LARS2: variants seen among roughly 807,000 people sequenced by gnomAD.
LARS2 encodes the protein leucine--tRNA ligase, mitochondrial.
In LARS2, 81 loss-of-function variants were observed where a neutral mutation model predicts 116.6. The observed-to-expected ratio is 0.69, with a 90% CI of 0.58 to 0.84. The LOEUF (loss-of-function observed/expected upper bound fraction) is 0.84, where lower values mean the gene tolerates loss of function less well. LARS2 is among the 40% of genes least tolerant of loss of function. LARS2 has a pLI of 0.00. For synonymous variants in LARS2, 396 were observed against 407.2 expected (o/e 0.97, Z 0.33); for missense variants, 968 against 1,114.5 (o/e 0.87, Z 1.87).
At chr3:45,540,581 G>C (rs1700776526) in intron 20 of LARS2, among the ~76,000 whole-genome samples, 1 of 152,298 alleles carries the variant, frequency 6.6e-6, no homozygotes, top group Non-Finnish European at 1.5e-5. Context: ...CTATTCCCAG[G>C]TGAGGACTGC....
chr3:45,453,191 T>A (rs545644314), intron 7 of LARS2, among the ~76,000 whole-genome samples: 2 of 152,320 alleles, frequency 1.3e-5, no homozygotes, highest in South Asian at 4.1e-4. Context: ...CTTTATTATT[T>A]CGTTCCTTCT....
chr3:45,530,404 C>T (rs1700597561), intron 20 of LARS2, among the ~76,000 whole-genome samples: 1 of 152,072 alleles, frequency 6.6e-6, no homozygotes, highest in South Asian at 2.1e-4. Flanking sequence ...CCTGTGAAGT[C>T]ACATACTCAG....
At chr3:45,540,738 A>G (rs1451847089) in intron 20 of LARS2, among the ~76,000 whole-genome samples, 2 of 75,100 alleles carry the variant, frequency 2.7e-5, no homozygotes, top group South Asian at 1.0e-3. Context: ...GCTTGCATGT[A>G]TCTATCTGTC....
chr3:45,486,634 G>A (rs991552695), intron 11 of LARS2, among the ~76,000 whole-genome samples: 12 of 152,192 alleles, frequency 7.9e-5, no homozygotes, highest in African/African-American at 2.9e-4. Context: ...GCTCAGATCA[G>A]TGTTTCATGA....
chr3:45,518,123 G>A (rs928486574), intron 18 of LARS2, 51 bp downstream of exon 18: 5 of 1,481,438 alleles, frequency 3.4e-6, no homozygotes, highest in Non-Finnish European at 4.6e-6. Context: ...AGCACTCTTT[G>A]GGAACCTTTG....
chr3:45,494,516 A>G (rs1159230690), intron 13 of LARS2, among the ~76,000 whole-genome samples: 1 of 152,180 alleles, frequency 6.6e-6, no homozygotes, highest in Non-Finnish European at 1.5e-5. Context: ...GATGAGCTTC[A>G]CATCCATGCC....
chr3:45,417,087 CA>C (rs34878832), intron 4 of LARS2, among the ~76,000 whole-genome samples: 13 of 138,664 alleles, frequency 9.4e-5, no homozygotes, highest in Admixed American at 3.0e-4. Flanking sequence ...AAAAAAAAAA[CA>C]AAAAAAAAAA....
chr3:45,462,619 G>A (rs1479967194), intron 8 of LARS2, among the ~76,000 whole-genome samples: 2 of 152,210 alleles, frequency 1.3e-5, no homozygotes, highest in Non-Finnish European at 2.9e-5. Context: ...AGCTTCTGTA[G>A]TTGAGCTGGA....
intron 7 of LARS2, among the ~76,000 whole-genome samples, chr3:45,456,377 G>A (rs1159860971): frequency 6.6e-6 from 1 of 152,226 alleles, no homozygotes; most frequent in Non-Finnish European, 1.5e-5. Context: ...GAGGTCAGGA[G>A]TTCGAGACCA....
chr3:45,473,707 T>TA (rs1418740170), intron 8 of LARS2, among the ~76,000 whole-genome samples: 8 of 150,938 alleles, frequency 5.3e-5, no homozygotes, highest in South Asian at 4.2e-4. Context: ...TTTTTTTTTT[T>TA]ATCACACATT....
At chr3:45,390,861 C>T (rs974068363) in intron 1 of LARS2, among the ~76,000 whole-genome samples, 15 of 151,674 alleles carry the variant, frequency 9.9e-5, no homozygotes, top group Non-Finnish European at 1.9e-4. Flanking sequence ...ACCGTGGTCT[C>T]GATCTCCTGA....
At chr3:45,496,855 A>G (rs1700022837) in intron 14 of LARS2, among the ~76,000 whole-genome samples, 1 of 152,272 alleles carries the variant, frequency 6.6e-6, no homozygotes, top group South Asian at 2.1e-4. Context: ...GTGCTACATC[A>G]TTAAGTTAGA....
chr3:45,518,708 T>C (rs899265308), intron 18 of LARS2, among the ~76,000 whole-genome samples: 1 of 152,040 alleles, frequency 6.6e-6, no homozygotes, highest in Non-Finnish European at 1.5e-5. Flanking sequence ...GTATCTGATA[T>C]CCCAAATTCT....
At chr3:45,542,683 G>C (rs1166540588) in intron 21 of LARS2, among the ~76,000 whole-genome samples, 1 of 152,182 alleles carries the variant, frequency 6.6e-6, no homozygotes, top group Non-Finnish European at 1.5e-5. Context: ...ACCCTATAAC[G>C]TGGGCGTTGC....
intron 13 of LARS2, chr3:45,495,366 G>A (rs1263340026): frequency 6.6e-6 from 1 of 152,182 alleles, no homozygotes; most frequent in Non-Finnish European, 1.5e-5. Context: ...CTACCAACTT[G>A]CCATCTTTTG....
rs952310434 is a variant in LARS2 at position 45,394,380 on chromosome 3, C to G, written c.-21-53C>G. The G allele has an allele frequency of 1.3e-5, 13 of 975,790 alleles. No homozygotes were observed. The African/African-American group carries it at 2.1e-4, about 16-fold the overall frequency. 60.4% of individuals were successfully genotyped at this position (975,790 alleles called of 1,614,324 possible). A position where few individuals can be genotyped will look rare whatever the true frequency, so the allele number is the denominator to read the frequency against. Reference sequence around the variant, plus strand: ...GGACTGTGCCAAATGGAAAGATAAGCTCTGGGGAGGGTTTGAGGCAGCTCA... The same window carrying G: ...GGACTGTGCCAAATGGAAAGATAAGGTCTGGGGAGGGTTTGAGGCAGCTCA... On this transcript the variant is annotated intron_variant, in intron 2 of 21. Transcript: ENST00000645846.
intron 13 of LARS2, among the ~76,000 whole-genome samples, chr3:45,492,639 T>G (rs1444341198): frequency 6.6e-6 from 1 of 152,222 alleles, no homozygotes; most frequent in East Asian, 1.9e-4. Flanking sequence ...TGTCTAGCCT[T>G]GGGAAAGTCA....
intron 8 of LARS2, among the ~76,000 whole-genome samples, chr3:45,460,724 A>C (rs937767371): frequency 2.0e-5 from 3 of 152,202 alleles, no homozygotes; most frequent in Non-Finnish European, 4.4e-5. Flanking sequence ...ACAGAGACAC[A>C]GACATGAGGG....
intron 6 of LARS2, among the ~76,000 whole-genome samples, chr3:45,445,782 G>A (rs935155871): frequency 1.8e-4 from 27 of 152,334 alleles, no homozygotes; most frequent in African/African-American, 6.3e-4. Context: ...ATAGCCCACT[G>A]GGGGCACAGA....
Sources: allele counts gnomAD v4.1 joint callset (sites outside exome capture counted in the v4.1 genomes callset), GRCh38; gene constraint gnomAD v4.1.1; transcripts MANE v1.5; gene names NCBI Gene and HGNC (gene_info 2026-07-23, HGNC 2026-07-21).